The following ZFR variants were observed in gnomAD, a reference collection of about 807,000 sequenced individuals.
ZFR encodes zinc finger RNA-binding protein.
ZFR carries 19 observed loss-of-function variants against 130.7 expected under a neutral mutation model. The observed-to-expected ratio is 0.15, with a 90% CI of 0.10 to 0.21. The LOEUF (loss-of-function observed/expected upper bound fraction) is 0.21. Among genes scored for constraint, ZFR ranks in the 10% least tolerant of loss-of-function variants. The probability of loss-of-function intolerance (pLI) is 1.00; values close to 1 mark genes in which losing one functional copy is unlikely to be tolerated. For missense variants in ZFR, 872 were observed against 1,321.5 expected (o/e 0.66, Z 5.27); for synonymous variants, 466 against 456.9 (o/e 1.02, Z -0.25).
intron 17 of ZFR, among the ~76,000 whole-genome samples, chr5:32,374,953 G>C (rs1315251726): frequency 6.6e-6 from 1 of 152,056 alleles, no homozygotes; most frequent in Non-Finnish European, 1.5e-5. Flanking sequence ...TTTAAACAAA[G>C]AAAAGCTTCC....
chr5:32,369,161 A>T (rs1372528304), intron 17 of ZFR, among the ~76,000 whole-genome samples: 1 of 152,150 alleles, frequency 6.6e-6, no homozygotes, highest in Non-Finnish European at 1.5e-5. Flanking sequence ...ATTTTTGTTA[A>T]GGGGTATCTA....
intron 1 of ZFR, 111 bp from the exon 2 acceptor site, chr5:32,444,439 T>G: frequency 7.5e-7 from 1 of 1,329,242 alleles, no homozygotes. Flanking sequence ...AGAGCAGCCC[T>G]GGCGGGGCCC....
rs1487561106 is a variant in ZFR, at chr5:32,438,251, AAATTTTT to A, written c.137+5971_137+5977del. ...CAAGAATGCTACTGATTTTATCTGA[AAATTTTT>A]TTTTTTTTTTTTTTTTTTTTTTGAG... On this transcript the variant is annotated intron_variant, in intron 2 of 19. Coordinates refer to ENST00000265069, the MANE Select transcript of ZFR (RefSeq NM_016107.5). Among the ~76,000 whole-genome samples the A allele has an allele frequency of 1.7e-3, 59 of 34,660 alleles. 4 individuals carry two copies. The highest frequency in any genetic ancestry group is 3.8e-3 in the African/African-American group (43 of 11,464). The allele number at this position is 34,660 out of a possible 152,430, so 22.7% of individuals were successfully genotyped here. A position where few individuals can be genotyped will look rare whatever the true frequency, so the allele number is the denominator to read the frequency against.
At chr5:32,398,822 T>C (rs944691684) in intron 9 of ZFR, among the ~76,000 whole-genome samples, 8 of 151,950 alleles carry the variant, frequency 5.3e-5, no homozygotes, top group African/African-American at 1.7e-4. Flanking sequence ...TAGCTGGGAT[T>C]ACAAGTGTGC....
rs1212186266 is a variant in ZFR, at chr5:32,432,978, C to T, written c.137+11251G>A. Among the ~76,000 whole-genome samples the T allele has an allele frequency of 5.9e-5, 9 of 151,994 alleles. No homozygotes were observed. In the East Asian group the frequency reaches 7.7e-4, roughly 13 times the overall value. On this transcript the variant is annotated intron_variant, in intron 2 of 19. Coordinates refer to ENST00000265069, the MANE Select transcript of ZFR (RefSeq NM_016107.5). ...CAAACTCAGCTTCAAGTGATCCTCCCGCTTCAGCCTCCCAAAGTGCAGGGA... is the reference window on the plus strand; with the variant it reads ...CAAACTCAGCTTCAAGTGATCCTCCTGCTTCAGCCTCCCAAAGTGCAGGGA...
chr5:32,417,932 T>C, intron 3 of ZFR, 140 bp from the exon 4 acceptor site: 1 of 784,190 alleles, frequency 1.3e-6, no homozygotes, highest in Non-Finnish European at 2.0e-6. Context: ...AAGAATCAAA[T>C]TAAATACACA....
In ZFR at chr5:32,403,189, T is replaced by A. The variant is rs1246918479; in HGVS notation, c.1433A>T (p.Asn478Ile). The change falls in exon 8 of 20, where the codon AAT becomes ATT. Residue 478 changes from asparagine (N) to isoleucine (I), a missense_variant. By Grantham distance (149) the Asn-to-Ile change is moderately radical. Transcript: ENST00000265069. ...TGATACTTTAGTGTTAGATGTGCTATTAAGAGACGAGTTTCCTGTAGTCGT... is the reference window on the plus strand; with the variant it reads ...TGATACTTTAGTGTTAGATGTGCTAATAAGAGACGAGTTTCCTGTAGTCGT... ...GLTTTGNSSLNSTSNTKVSAV... is the reference protein window; with the variant it reads ...GLTTTGNSSLISTSNTKVSAV... 4 of 1,614,108 alleles carry A rather than the reference T, an allele frequency of 2.5e-6. No individual in the cohort carries two copies. The highest frequency in any genetic ancestry group is 1.7e-5 in the Admixed American group (1 of 60,006).
intron 6 of ZFR, among the ~76,000 whole-genome samples, chr5:32,405,501 T>C (rs189204642): frequency 2.2e-3 from 340 of 152,320 alleles, no homozygotes; most frequent in African/African-American, 8.0e-3. Flanking sequence ...TAGCCAGCCT[T>C]ATATGCACTC....
At chr5:32,423,418 A>C (rs1229675887) in intron 2 of ZFR, among the ~76,000 whole-genome samples, 2 of 152,148 alleles carry the variant, frequency 1.3e-5, no homozygotes, top group Non-Finnish European at 2.9e-5. Flanking sequence ...CCTACTATAA[A>C]CTGCAAAACA....
intron 2 of ZFR, among the ~76,000 whole-genome samples, chr5:32,427,709 G>A (rs886588444): frequency 1.3e-5 from 2 of 152,074 alleles, no homozygotes; most frequent in Non-Finnish European, 2.9e-5. Flanking sequence ...GAACAAAGTT[G>A]GAAGTCTCAC....
intron 2 of ZFR, among the ~76,000 whole-genome samples, chr5:32,430,033 GA>G (rs1211494995): frequency 1.5e-5 from 2 of 136,524 alleles, no homozygotes; most frequent in Non-Finnish European, 3.0e-5. Context: ...AATCCTGGGT[GA>G]TGTTGCCTGG....
intron 2 of ZFR, among the ~76,000 whole-genome samples, chr5:32,424,556 A>G (rs907511388): frequency 6.6e-6 from 1 of 151,944 alleles, no homozygotes; most frequent in Non-Finnish European, 1.5e-5. Flanking sequence ...AAAGAAAAAG[A>G]AAAAAGGTAA....
intron 4 of ZFR, among the ~76,000 whole-genome samples, chr5:32,417,308 C>T (rs2111816840): frequency 6.6e-6 from 1 of 152,266 alleles, no homozygotes; most frequent in East Asian, 1.9e-4. Context: ...AGGGTCTCCA[C>T]TGGTTACAAA....
Position 32,405,359 on chromosome 5 carries a change from A to T in ZFR, c.1033-1262T>A, listed in dbSNP as rs188162820. Among the ~76,000 whole-genome samples the T allele has an allele frequency of 1.3e-4, 20 of 152,276 alleles. No individual in the cohort carries two copies. In the East Asian group the frequency reaches 3.5e-3, roughly 26 times the overall value. On this transcript the variant is annotated intron_variant, in intron 6 of 19. Transcript: ENST00000265069. ...TTACTCTTTTCCTTCTTATGTACGC[A>T]TCTAGAACTCTAACTCAATCTCAAT...
At chr5:32,433,032 G>A (rs764605878) in intron 2 of ZFR, among the ~76,000 whole-genome samples, 17 of 151,918 alleles carry the variant, frequency 1.1e-4, no homozygotes, top group Non-Finnish European at 1.5e-4. Flanking sequence ...GTGCCCTGCC[G>A]CTTGATTTCT....
At chr5:32,385,476 ATAGAAAG>A (rs768754397) in intron 15 of ZFR, 25 bp downstream of exon 15, 25 of 1,605,904 alleles carry the variant, frequency 1.6e-5, no homozygotes, top group Non-Finnish European at 2.1e-5. Context: ...AAAAAAGTTA[ATAGAAAG>A]TAGAAAGTTT....
intron 11 of ZFR, chr5:32,394,542 G>C (rs1753253801): frequency 1.9e-5 from 3 of 157,580 alleles, no homozygotes; most frequent in South Asian, 4.1e-4. Flanking sequence ...AGGTTGTCCA[G>C]GGCTGGGGCT....
intron 2 of ZFR, among the ~76,000 whole-genome samples, chr5:32,440,602 G>C (rs982509125): frequency 6.6e-6 from 1 of 151,528 alleles, no homozygotes; most frequent in Non-Finnish European, 1.5e-5. Context: ...AGCCAAGATC[G>C]TGCCATTGCA....
intron 1 of ZFR, 74 bp downstream of exon 1, chr5:32,444,548 A>G: frequency 7.0e-7 from 1 of 1,422,908 alleles, no homozygotes; most frequent in Non-Finnish European, 9.2e-7. Context: ...GCCTGCCCCA[A>G]CCCCCGCGGC....
Sources: allele counts gnomAD v4.1 joint callset (sites outside exome capture counted in the v4.1 genomes callset), GRCh38; gene constraint gnomAD v4.1.1; transcripts MANE v1.5; gene names NCBI Gene and HGNC (gene_info 2026-07-23, HGNC 2026-07-21).